Variants in DPP9 observed in about 807,000 individuals in gnomAD.
DPP9 encodes the protein dipeptidyl peptidase 9.
In DPP9, 50 loss-of-function variants were observed where a neutral mutation model predicts 110.7. That is an observed-to-expected ratio of 0.45 (90% CI 0.36 to 0.57). The LOEUF (loss-of-function observed/expected upper bound fraction) is 0.57. Ranked by LOEUF, DPP9 falls within the 20% of genes least tolerant of loss-of-function variation. DPP9 has a pLI of 0.00. For missense variants in DPP9, 1,022 were observed against 1,217.9 expected, an observed-to-expected ratio of 0.84 and a Z score of 2.39; for synonymous variants, 561 against 514.4, an observed-to-expected ratio of 1.09 and a Z score of -1.23.
intron 4 of DPP9, among the ~76,000 whole-genome samples, chr19:4,709,974 C>A (rs531863713): frequency 6.6e-6 from 1 of 152,292 alleles, no homozygotes; most frequent in East Asian, 1.9e-4. Context: ...CACCAAATGG[C>A]CCCTGCCAGC....
In DPP9 at chr19:4,689,139, C is replaced by T. The variant is rs926754209; in HGVS notation, c.1750-247G>A. Among the ~76,000 whole-genome samples, 2 of 152,316 alleles carry T rather than the reference C, an allele frequency of 1.3e-5. No individual in the cohort carries two copies. The highest frequency in any genetic ancestry group is 2.4e-5 in the African/African-American group (1 of 41,576). The stretch of plus-strand genomic sequence containing the variant: ...CAGCCAGGGGCCTATGGACAGTCAC[C>T]GACCGCTGGATCTGCCGAGGGCTCT... On this transcript the variant is annotated intron_variant, in intron 15 of 21. Transcript: ENST00000262960. The surrounding 1 kb of genome is among the most constrained non-coding windows in gnomAD (Gnocchi z 7.0).
At position 4,700,334 on chromosome 19, in the gene DPP9, G is replaced by C; in HGVS notation, c.1013-57C>G. ...CAGGCATCACCCGTGTGTGCCGAGA[G>C]CCGGCACGGGGGGCCTGGGCTGTGG... On this transcript the variant is annotated intron_variant, in intron 9 of 21. Coordinates refer to ENST00000262960, the MANE Select transcript of DPP9 (RefSeq NM_139159.5). The surrounding 1 kb of genome is among the most constrained non-coding windows in gnomAD (Gnocchi z 4.3). The C allele has an allele frequency of 6.8e-7, 1 of 1,463,142 alleles. No individual in the cohort carries two copies. Among genetic ancestry groups the C allele is most frequent in the Non-Finnish European group, 9.3e-7 (1 of 1,070,590 alleles). 90.6% of individuals were successfully genotyped at this position (1,463,142 alleles called of 1,614,324 possible). A position where few individuals can be genotyped will look rare whatever the true frequency, so the allele number is the denominator to read the frequency against.
At chr19:4,683,407 G>C in intron 19 of DPP9, 70 bp downstream of exon 19, 1 of 1,595,094 alleles carries the variant, frequency 6.3e-7, no homozygotes, top group South Asian at 1.1e-5. Flanking sequence ...CGGGCGGTGG[G>C]CAAACGCGGC....
chr19:4,696,162 A>C (rs188809957), intron 11 of DPP9, among the ~76,000 whole-genome samples: 7 of 152,212 alleles, frequency 4.6e-5, no homozygotes, highest in Non-Finnish European at 8.8e-5. Flanking sequence ...CAGCCTCCCA[A>C]AGTGCTGGGT....
intron 9 of DPP9, among the ~76,000 whole-genome samples, chr19:4,701,748 G>C (rs1248234188): frequency 1.3e-5 from 2 of 152,236 alleles, no homozygotes; most frequent in Non-Finnish European, 2.9e-5. Flanking sequence ...GCAGTTGCAA[G>C]AGAGCCTGCC....
chr19:4,688,695 C>T, intron 16 of DPP9, 62 bp downstream of exon 16: 1 of 1,362,776 alleles, frequency 7.3e-7, no homozygotes, highest in Non-Finnish European at 9.4e-7. Flanking sequence ...GCATGGGGCC[C>T]TCGTCCCGTT....
rs1391506545 is a variant in DPP9 at position 4,714,218 on chromosome 19, G to A, written c.176C>T (p.Ser59Leu). ...GATGATGCTCCGGAGCCCGTCCCAC[G>A]AGTGCTTCTGCACCTGGAAGCGGGC... ...PAARFQVQKH[S>L]WDGLRSIIHG... The change falls in exon 4 of 22, where the codon TCG (serine) becomes TTG (leucine). Residue 59 changes from serine (S) to leucine (L), a missense_variant. Transcript: ENST00000262960. 7.5e-6 allele frequency: 12 copies of A among 1,603,722 alleles called. No individual in the cohort carries two copies. The highest frequency in any genetic ancestry group is 5.3e-5 in the African/African-American group (4 of 74,854).
Position 4,704,393 on chromosome 19 carries a change from C to T in DPP9, c.427-89G>A. The T allele has an allele frequency of 6.8e-7, 1 of 1,470,428 alleles. No homozygotes were observed. Among genetic ancestry groups the T allele is most frequent in the Non-Finnish European group, 9.2e-7 (1 of 1,083,468 alleles). 91.1% of individuals were successfully genotyped at this position (1,470,428 alleles called of 1,614,324 possible). ...GCAGAGATCCTCGGGCTGGGGCATT[C>T]CCAGGGAATCTGACTTCGGGCCTCG... On this transcript the variant is annotated intron_variant, in intron 5 of 21. Coordinates refer to ENST00000262960, the MANE Select transcript of DPP9 (RefSeq NM_139159.5). This position sits in a 1 kb window ranked among gnomAD's most constrained non-coding sequence, Gnocchi z 6.0.
At position 4,714,148 on chromosome 19, in the gene DPP9, G is replaced by C. The variant is rs1471443202; in HGVS notation, c.246C>G (p.Pro82=). 6.2e-7 allele frequency: 1 copy of C among 1,613,348 alleles called. No individual in the cohort carries two copies. Among genetic ancestry groups the C allele is most frequent in the Non-Finnish European group, 8.5e-7 (1 of 1,179,642 alleles). The change falls in exon 4 of 22, where the codon CCC becomes CCG. Residue 82 remains proline, a synonymous_variant. Coordinates refer to ENST00000262960, the MANE Select transcript of DPP9 (RefSeq NM_139159.5). ...TCTTCTGCACAAACTGGAAGTCGTG[G>C]GGCGCCTTGTTGACAATGAGGCCCG... ...KYSGLIVNKA[P]HDFQFVQKTD... is the part of the protein sequence containing the mutation.
intron 16 of DPP9, chr19:4,688,375 T>C (rs927830304): frequency 3.0e-5 from 6 of 198,444 alleles, no homozygotes; most frequent in African/African-American, 6.9e-5. Flanking sequence ...TCCCAAAGCA[T>C]TGGGATTACA....
intron 7 of DPP9, among the ~76,000 whole-genome samples, chr19:4,703,670 CAAA>C (rs561951827): frequency 3.4e-5 from 4 of 117,646 alleles, no homozygotes; most frequent in Admixed American, 8.8e-5. Flanking sequence ...GAGACTCTCT[CAAA>C]AAAAAAAAAA....
At chr19:4,717,080 G>A (rs958205831) in intron 3 of DPP9, among the ~76,000 whole-genome samples, 19 of 152,184 alleles carry the variant, frequency 1.2e-4, no homozygotes, top group Non-Finnish European at 2.5e-4. Context: ...TCTCCAACTC[G>A]ACCCCAAAGA....
chr19:4,690,398 A>C (rs916986805), intron 14 of DPP9, among the ~76,000 whole-genome samples: 7 of 152,206 alleles, frequency 4.6e-5, no homozygotes, highest in Non-Finnish European at 8.8e-5. Flanking sequence ...CGGTGGAGGC[A>C]GCTGGAGCGT....
chr19:4,676,783 T>G lies in DPP9; in HGVS notation c.2587-127A>C, dbSNP rs555486930. 1 of 735,310 alleles carries G rather than the reference T, an allele frequency of 1.4e-6. No homozygotes were observed. The highest frequency in any genetic ancestry group is 1.7e-5 in the African/African-American group (1 of 57,552). 45.5% of individuals were successfully genotyped at this position (735,310 alleles called of 1,614,324 possible). ...TGCTCTGAGGCCCAGTGATCTGGGT[T>G]TGAATCCCACCTCGGCTGTTGACTT... is the stretch of plus-strand genomic sequence containing the variant. On this transcript the variant is annotated intron_variant, in intron 21 of 21. Coordinates refer to ENST00000262960, the MANE Select transcript of DPP9 (RefSeq NM_139159.5). The surrounding 1 kb of genome is among the most constrained non-coding windows in gnomAD (Gnocchi z 4.0).
chr19:4,676,298 C>A lies in DPP9; in HGVS notation c.*266G>T. On this transcript the variant is annotated 3_prime_UTR_variant, in exon 22 of 22. Coordinates refer to ENST00000262960, the MANE Select transcript of DPP9 (RefSeq NM_139159.5). The surrounding 1 kb of genome is among the most constrained non-coding windows in gnomAD (Gnocchi z 4.0). Reference sequence around the variant, plus strand: ...CCATCAGCGTGTGACCTCCTCCTCCCAGAAGGCGGGGAGAGGAGGGGCTGG... The same window carrying A: ...CCATCAGCGTGTGACCTCCTCCTCCAAGAAGGCGGGGAGAGGAGGGGCTGG... The A allele has an allele frequency of 2.0e-6, 1 of 506,852 alleles. No homozygotes were observed. Among genetic ancestry groups the A allele is most frequent in the Non-Finnish European group, 3.6e-6 (1 of 276,972 alleles). The allele number at this position is 506,852 out of a possible 1,614,324, so 31.4% of individuals were successfully genotyped here.
chr19:4,704,944 G>A lies in DPP9; in HGVS notation c.427-640C>T, dbSNP rs1439173459. ...AACCGGGAGGCAGAGGTTGCAGTGA[G>A]CCGAGATTGCGCCACTGCACTATAG... On this transcript the variant is annotated intron_variant, in intron 5 of 21. Coordinates refer to ENST00000262960, the MANE Select transcript of DPP9 (RefSeq NM_139159.5). This position sits in a 1 kb window ranked among gnomAD's most constrained non-coding sequence, Gnocchi z 6.0. Among the ~76,000 whole-genome samples, 1 of 152,170 alleles carries A rather than the reference G, an allele frequency of 6.6e-6. No homozygotes were observed. The highest frequency in any genetic ancestry group is 2.4e-5 in the African/African-American group (1 of 41,438).
chr19:4,709,379 G>T (rs1364747945), intron 4 of DPP9, among the ~76,000 whole-genome samples: 1 of 152,156 alleles, frequency 6.6e-6, no homozygotes, highest in Non-Finnish European at 1.5e-5. Context: ...TCCTTTTAAA[G>T]TGTATTTATG....
rs1188789917 is a variant in DPP9 at position 4,695,175 on chromosome 19, G to A, written c.1353+203C>T. On this transcript the variant is annotated intron_variant, in intron 12 of 21. Transcript: ENST00000262960. The surrounding 1 kb of genome is among the most constrained non-coding windows in gnomAD (Gnocchi z 4.7). ...AATTAAAGAAAAAAATAGATGAGGG[G>A]AGAGGCTCCAATGGCTGCCAGACTC... 3 of 589,334 alleles carry A rather than the reference G, an allele frequency of 5.1e-6. No homozygotes were observed. In the East Asian group the frequency reaches 9.0e-5, roughly 18 times the overall value. 36.5% of individuals were successfully genotyped at this position (589,334 alleles called of 1,614,324 possible). A position where few individuals can be genotyped will look rare whatever the true frequency, so the allele number is the denominator to read the frequency against.
At chr19:4,709,105 G>GACA (rs1419210810) in intron 4 of DPP9, among the ~76,000 whole-genome samples, 1 of 151,908 alleles carries the variant, frequency 6.6e-6, no homozygotes, top group African/African-American at 2.4e-5. Flanking sequence ...TTTTAGTAGA[G>GACA]ACAGGGGTTT....
Sources: gnomAD v4.1 joint callset for allele counts (sites outside exome capture counted in the v4.1 genomes callset) on GRCh38, gnomAD v4.1.1 for gene constraint, Gnocchi (gnomAD v3.1) non-coding constraint, MANE v1.5 for transcripts, NCBI Gene and HGNC (gene_info 2026-07-23, HGNC 2026-07-21) for gene names.